The following CDH13 variants were observed in gnomAD, a reference collection of about 807,000 sequenced individuals.
CDH13 encodes the protein cadherin-13.
In CDH13, 24 loss-of-function variants were observed where a neutral mutation model predicts 63.8. The ratio of observed to expected loss-of-function variants is 0.38; its 90% confidence interval spans 0.27 to 0.53. CDH13 has a LOEUF of 0.53. CDH13 is among the 20% of genes least tolerant of loss of function. The pLI is 0.85. For synonymous variants in CDH13, 503 were observed against 355.3 expected (o/e 1.42, Z -4.67); for missense variants, 1,049 against 903.1 (o/e 1.16, Z -2.07).
At chr16:83,575,842 G>T (rs1188363792) in intron 7 of CDH13, among the ~76,000 whole-genome samples, 2 of 152,184 alleles carry the variant, frequency 1.3e-5, no homozygotes, top group Admixed American at 6.5e-5. Flanking sequence ...TATAGTTTGT[G>T]TAAGAGCAAG....
At chr16:83,243,286 G>C (rs989046785) in intron 5 of CDH13, among the ~76,000 whole-genome samples, 1 of 152,190 alleles carries the variant, frequency 6.6e-6, no homozygotes, top group Admixed American at 6.5e-5. Context: ...TGCACTTACA[G>C]TTCCTCATGG....
rs1906375921 is a variant in CDH13 at position 83,588,308 on chromosome 16, A to T, written c.961-14146A>T. Among the ~76,000 whole-genome samples the T allele has an allele frequency of 2.0e-5, 3 of 152,340 alleles. No individual in the cohort carries two copies. In the South Asian group the frequency reaches 6.2e-4, roughly 32 times the overall value. ...TGCCCATGCCTGCCTTTGGACCTGT[A>T]ACATCTGCAGACCATGAGAGCAACC... On this transcript the variant is annotated intron_variant, in intron 7 of 13. Transcript: ENST00000567109.
At chr16:83,533,055 A>G (rs2075114703) in intron 7 of CDH13, among the ~76,000 whole-genome samples, 1 of 152,134 alleles carries the variant, frequency 6.6e-6, no homozygotes, top group Non-Finnish European at 1.5e-5. Flanking sequence ...AAGGATTCCA[A>G]TTATTGTTCT....
Position 82,972,611 on chromosome 16 carries a change from T to G in CDH13, c.158-59399T>G, listed in dbSNP as rs149985371. The stretch of plus-strand genomic sequence containing the variant: ...TATGGTAGCTGGGACGGAAAATGCA[T>G]AACTCCATGTGAATTGCCAAGGATA... On this transcript the variant is annotated intron_variant, in intron 2 of 13. Transcript: ENST00000567109. 3.5e-3 allele frequency among the ~76,000 whole-genome samples: 531 copies of G among 152,316 alleles called. 3 individuals are homozygous for G. Among genetic ancestry groups the G allele is most frequent in the Middle Eastern group, 0.034 (10 of 294 alleles).
At chr16:83,335,151 G>A (rs974582762) in intron 5 of CDH13, among the ~76,000 whole-genome samples, 1 of 151,982 alleles carries the variant, frequency 6.6e-6, no homozygotes. Context: ...AAATCTTTGT[G>A]GGCTTATTTC....
chr16:83,665,519 T>C (rs1168035961), intron 8 of CDH13, among the ~76,000 whole-genome samples: 3 of 152,222 alleles, frequency 2.0e-5, no homozygotes, highest in Non-Finnish European at 2.9e-5. Flanking sequence ...CAAGTTATAT[T>C]TCTGATGGTC....
In CDH13 at chr16:83,049,151, A is replaced by C. The variant is rs114656195; in HGVS notation, c.366+16933A>C. ...GCAAGCGATACTTAATTACTTTCTAATGTTGTGCAACCACTACCTTTATCT... is the reference window on the plus strand; with the variant it reads ...GCAAGCGATACTTAATTACTTTCTACTGTTGTGCAACCACTACCTTTATCT... On this transcript the variant is annotated intron_variant, in intron 3 of 13. Coordinates refer to ENST00000567109, the MANE Select transcript of CDH13 (RefSeq NM_001257.5). Among the ~76,000 whole-genome samples, 648 of 152,154 alleles carry C rather than the reference A, an allele frequency of 4.3e-3. 2 individuals are homozygous for C. Among genetic ancestry groups the C allele is most frequent in the African/African-American group, 0.015 (626 of 41,502 alleles).
chr16:83,088,411 C>T (rs1295198886), intron 3 of CDH13, among the ~76,000 whole-genome samples: 1 of 152,190 alleles, frequency 6.6e-6, no homozygotes, highest in Non-Finnish European at 1.5e-5. Flanking sequence ...CCTTTATTTT[C>T]CTGTAACGTT....
rs144105566 is a variant in CDH13 at position 83,294,652 on chromosome 16, C to G, written c.637-50210C>G. 1.6e-3 allele frequency among the ~76,000 whole-genome samples: 248 copies of G among 151,588 alleles called. 1 individual carries two copies. The highest frequency in any genetic ancestry group is 5.8e-3 in the African/African-American group (239 of 41,284). ...TATGTGATATTCATGTATTGATGGA[C>G]ATTTAGGAACAAATTGAACAAGGGA... On this transcript the variant is annotated intron_variant, in intron 5 of 13. Coordinates refer to ENST00000567109, the MANE Select transcript of CDH13 (RefSeq NM_001257.5).
chr16:83,736,051 T>C (rs1373436561), intron 10 of CDH13: 2 of 152,224 alleles, frequency 1.3e-5, no homozygotes, highest in Non-Finnish European at 2.9e-5. Flanking sequence ...TCCTGTTCTT[T>C]TCCAAGCGCC....
chr16:83,118,323 C>T (rs933899664), intron 3 of CDH13, among the ~76,000 whole-genome samples: 4 of 152,212 alleles, frequency 2.6e-5, no homozygotes, highest in African/African-American at 9.7e-5. Context: ...TGGGTCTAGG[C>T]AGCTGATGCA....
At chr16:83,458,410 T>C (rs2073081894) in intron 6 of CDH13, among the ~76,000 whole-genome samples, 1 of 152,200 alleles carries the variant, frequency 6.6e-6, no homozygotes, top group Non-Finnish European at 1.5e-5. Context: ...TCATCGCCAT[T>C]AACAACTGTG....
chr16:83,039,639 A>G (rs776160168), intron 3 of CDH13, among the ~76,000 whole-genome samples: 5 of 151,308 alleles, frequency 3.3e-5, no homozygotes, highest in Admixed American at 6.6e-5. Flanking sequence ...TGTGTTCACC[A>G]CTCTATCCTC....
chr16:82,790,264 A>T (rs1479003288), intron 1 of CDH13, among the ~76,000 whole-genome samples: 9 of 152,122 alleles, frequency 5.9e-5, no homozygotes. Context: ...GTGAAACCCC[A>T]TCTCTACTAA....
chr16:83,067,937 C>A (rs2032143260), intron 3 of CDH13, among the ~76,000 whole-genome samples: 1 of 152,124 alleles, frequency 6.6e-6, no homozygotes, highest in African/African-American at 2.4e-5. Flanking sequence ...TGAAAAATAT[C>A]CCTGGCCTGG....
At chr16:82,666,877 A>G (rs558108652) in intron 1 of CDH13, among the ~76,000 whole-genome samples, 3 of 152,320 alleles carry the variant, frequency 2.0e-5, no homozygotes, top group Admixed American at 1.3e-4. Context: ...TTGAAGAATC[A>G]GAACCACCTT....
chr16:82,944,788 G>T (rs879517194), intron 2 of CDH13, among the ~76,000 whole-genome samples: 1 of 152,106 alleles, frequency 6.6e-6, no homozygotes, highest in Non-Finnish European at 1.5e-5. Context: ...AAGAGAGAGA[G>T]AGAGACAGAC....
chr16:82,720,646 A>C (rs2032711119), intron 1 of CDH13, among the ~76,000 whole-genome samples: 1 of 151,868 alleles, frequency 6.6e-6, no homozygotes, highest in South Asian at 2.1e-4. Flanking sequence ...TACAAACTCC[A>C]CACACAGGGT....
intron 2 of CDH13, among the ~76,000 whole-genome samples, chr16:82,905,466 T>TGC (rs1567648596): frequency 1.6e-4 from 23 of 143,198 alleles, no homozygotes; most frequent in African/African-American, 5.9e-4. Flanking sequence ...TGTGTGTGTG[T>TGC]GTAAGATAAT....
Sources: gnomAD v4.1 joint callset for allele counts (sites outside exome capture counted in the v4.1 genomes callset) on GRCh38, gnomAD v4.1.1 for gene constraint, MANE v1.5 for transcripts, NCBI Gene and HGNC (gene_info 2026-07-23, HGNC 2026-07-21) for gene names.